The following NAV2 variants were observed in gnomAD, a reference collection of about 807,000 sequenced individuals.
NAV2 encodes the protein helicase, APC down-regulated 1.
A neutral mutation model predicts 223.2 loss-of-function variants in NAV2; 54 were observed. That is an observed-to-expected ratio of 0.24 (90% CI 0.19 to 0.30). NAV2 has a LOEUF of 0.30. Ranked by LOEUF, NAV2 falls within the 10% of genes least tolerant of loss-of-function variation. The pLI is 1.00. For synonymous variants in NAV2, 1,279 were observed against 1,239.3 expected, an observed-to-expected ratio of 1.03 and a Z score of -0.67; for missense variants, 2,806 against 3,147.5, an observed-to-expected ratio of 0.89 and a Z score of 2.60.
intron 6 of NAV2, among the ~76,000 whole-genome samples, chr11:19,904,352 G>C (rs909986533): frequency 6.6e-6 from 1 of 152,094 alleles, no homozygotes; most frequent in Admixed American, 6.6e-5. Context: ...AAGTCTGATG[G>C]AAGAGACAGT....
intron 1 of NAV2, among the ~76,000 whole-genome samples, chr11:19,540,249 C>A (rs1186093678): frequency 1.3e-5 from 2 of 152,148 alleles, no homozygotes; most frequent in African/African-American, 2.4e-5. Context: ...AGACTGGTTG[C>A]CGTCAAGGTC....
chr11:19,642,146 C>T (rs780744839), intron 1 of NAV2, among the ~76,000 whole-genome samples: 1 of 152,144 alleles, frequency 6.6e-6, no homozygotes, highest in African/African-American at 2.4e-5. Flanking sequence ...ATCCCTATGC[C>T]GTATCTCTAC....
intron 1 of NAV2, among the ~76,000 whole-genome samples, chr11:19,597,830 G>A (rs1052673349): frequency 6.6e-6 from 1 of 152,224 alleles, no homozygotes; most frequent in Admixed American, 6.5e-5. Flanking sequence ...AGTTTCACTG[G>A]GGTGCGTGTG....
intron 1 of NAV2, among the ~76,000 whole-genome samples, chr11:19,749,520 C>A (rs902636269): frequency 6.6e-6 from 1 of 152,210 alleles, no homozygotes; most frequent in Non-Finnish European, 1.5e-5. Context: ...CATCCTTTAA[C>A]TTCCCCTTTC....
chr11:19,822,843 TAG>T (rs2059449186), intron 1 of NAV2, among the ~76,000 whole-genome samples: 1 of 152,148 alleles, frequency 6.6e-6, no homozygotes, highest in Non-Finnish European at 1.5e-5. Context: ...AGATGGGGAA[TAG>T]AGAACCCATT....
intron 1 of NAV2, among the ~76,000 whole-genome samples, chr11:19,578,681 G>A (rs1189538080): frequency 1.3e-5 from 2 of 152,332 alleles, no homozygotes; most frequent in East Asian, 3.9e-4. Flanking sequence ...GCAATATGTT[G>A]ACCATCTAGG....
intron 1 of NAV2, among the ~76,000 whole-genome samples, chr11:19,452,301 G>A: frequency 6.6e-6 from 1 of 152,182 alleles, no homozygotes; most frequent in East Asian, 1.9e-4. Context: ...CATGTGCCAG[G>A]TATCATGTTG....
intron 30 of NAV2, 31 bp downstream of exon 30, chr11:20,095,798 A>C: frequency 6.5e-7 from 1 of 1,529,242 alleles, no homozygotes; most frequent in Non-Finnish European, 9.1e-7. Flanking sequence ...GCTACAGCAT[A>C]CTACCTAACA....
intron 1 of NAV2, among the ~76,000 whole-genome samples, chr11:19,396,480 C>A (rs1849453806): frequency 6.6e-6 from 1 of 152,190 alleles, no homozygotes; most frequent in Non-Finnish European, 1.5e-5. Flanking sequence ...ATTTAGAACG[C>A]CCTATCTGTG....
At chr11:19,927,541 G>A (rs2044882396) in intron 6 of NAV2, among the ~76,000 whole-genome samples, 1 of 152,130 alleles carries the variant, frequency 6.6e-6, no homozygotes, top group Non-Finnish European at 1.5e-5. Context: ...CTCCAGCCTG[G>A]GCAACAAGAG....
intron 8 of NAV2, among the ~76,000 whole-genome samples, chr11:19,944,465 CTTTT>C (rs2046670049): frequency 6.6e-6 from 1 of 150,980 alleles, no homozygotes; most frequent in African/African-American, 2.4e-5. Context: ...CTCTTTCTTT[CTTTT>C]CTCTTCTTCT....
At chr11:19,728,907 G>A (rs1037466625) in intron 1 of NAV2, among the ~76,000 whole-genome samples, 10 of 152,176 alleles carry the variant, frequency 6.6e-5, no homozygotes, top group Non-Finnish European at 1.3e-4. Flanking sequence ...AGCAAGGAAC[G>A]TATGCAGAGA....
intron 1 of NAV2, among the ~76,000 whole-genome samples, chr11:19,360,503 T>C (rs189387295): frequency 2.0e-5 from 3 of 152,360 alleles, no homozygotes; most frequent in African/African-American, 7.2e-5. Context: ...CCGACTGTTT[T>C]AACAAGTGTC....
intron 3 of NAV2, among the ~76,000 whole-genome samples, chr11:19,865,373 G>C (rs747993738): frequency 2.6e-5 from 4 of 152,118 alleles, no homozygotes; most frequent in Non-Finnish European, 5.9e-5. Flanking sequence ...ACAGTATTTA[G>C]AAGAAAACCT....
chr11:19,598,933 A>G (rs1731372475), intron 1 of NAV2, among the ~76,000 whole-genome samples: 1 of 152,138 alleles, frequency 6.6e-6, no homozygotes, highest in Admixed American at 6.5e-5. Context: ...TTTGGTTCCA[A>G]CTGTGTTCTC....
chr11:20,036,176 C>A (rs2056351646), intron 12 of NAV2, 79 bp downstream of exon 12: 7 of 1,535,248 alleles, frequency 4.6e-6, no homozygotes, highest in Non-Finnish European at 6.3e-6. Flanking sequence ...GTAAGAGGGC[C>A]ATTTGGGGCA....
chr11:19,746,223 A>G (rs1362402256), intron 1 of NAV2, among the ~76,000 whole-genome samples: 1 of 152,136 alleles, frequency 6.6e-6, no homozygotes, highest in African/African-American at 2.4e-5. Context: ...AACATCTCAT[A>G]TGTGTGGCAT....
At chr11:19,485,728 AT>A (rs35370021) in intron 1 of NAV2, among the ~76,000 whole-genome samples, 62,408 of 150,756 alleles carry the variant, frequency 0.41, 13,326 homozygotes, top group East Asian at 0.54. Flanking sequence ...TCTATTAAGG[AT>A]TTTTTTTTTT....
chr11:19,893,539 C>T (rs866046809), intron 6 of NAV2, among the ~76,000 whole-genome samples: 2 of 152,160 alleles, frequency 1.3e-5, no homozygotes, highest in Admixed American at 6.5e-5. Context: ...AGCTGGGAAC[C>T]GCCGCCATTT....
Sources: allele counts gnomAD v4.1 joint callset (sites outside exome capture counted in the v4.1 genomes callset), GRCh38; gene constraint gnomAD v4.1.1; transcripts MANE v1.5; gene names NCBI Gene and HGNC (gene_info 2026-07-23, HGNC 2026-07-21).